The following LENG8 variants were observed in gnomAD, a reference collection of about 807,000 sequenced individuals.
The protein encoded by LENG8 is leukocyte receptor cluster member 8.
In LENG8, 28 loss-of-function variants were observed where a neutral mutation model predicts 102.1. That is an observed-to-expected ratio of 0.27 (90% CI 0.20 to 0.38). LENG8 has a LOEUF of 0.38. Among genes scored for constraint, LENG8 ranks in the 10% least tolerant of loss-of-function variants. The probability of loss-of-function intolerance (pLI) is 1.00; values close to 1 mark genes in which losing one functional copy is unlikely to be tolerated. For synonymous variants in LENG8, 531 were observed against 456.7 expected (o/e 1.16, Z -2.07); for missense variants, 1,022 against 1,113.9 (o/e 0.92, Z 1.17).
chr19:54,457,321 CTTAACCCA>C (rs1225510655), intron 11 of LENG8, among the ~76,000 whole-genome samples: 1 of 152,194 alleles, frequency 6.6e-6, no homozygotes, highest in East Asian at 1.9e-4. Flanking sequence ...GGTGGCCACT[CTTAACCCA>C]TGTCTTGTGG....
chr19:54,460,033 G>C, intron 15 of LENG8: 1 of 1,282,158 alleles, frequency 7.8e-7, no homozygotes, highest in Non-Finnish European at 1.0e-6. Context: ...TGACCTCATT[G>C]TGTCAGCACC....
At chr19:54,452,358 G>C in intron 3 of LENG8, 91 bp downstream of exon 3, 1 of 1,167,862 alleles carries the variant, frequency 8.6e-7, no homozygotes, top group Non-Finnish European at 1.2e-6. Flanking sequence ...CAGACGGGGT[G>C]CTCTGAGGGG....
chr19:54,461,529 C>T lies in LENG8; in HGVS notation c.*601C>T, dbSNP rs1280157078. 2 of 471,358 alleles carry T rather than the reference C, an allele frequency of 4.2e-6. No individual in the cohort carries two copies. The highest frequency in any genetic ancestry group is 4.0e-5 in the African/African-American group (2 of 50,116). 29.2% of individuals were successfully genotyped at this position (471,358 alleles called of 1,614,324 possible). On this transcript the variant is annotated 3_prime_UTR_variant, in exon 16 of 16. Transcript: ENST00000326764. ...CACCAGATCCTCCGCCGCCACACCG[C>T]ACTGAGGACACGCCGGCCGGGCCGC...
At position 54,461,874 on chromosome 19, in the gene LENG8, GGCT is replaced by G. The variant is rs1251694483; in HGVS notation, c.*950_*952del. ...GAGTTTGCAAACAGCTGGACTGTCA[GGCT>G]GCTTTTTTTCCAGATGTTCCTCCTC... On this transcript the variant is annotated 3_prime_UTR_variant, in exon 16 of 16. Coordinates refer to ENST00000326764, the MANE Select transcript of LENG8 (RefSeq NM_052925.4). 1 of 683,170 alleles carries G rather than the reference GGCT, an allele frequency of 1.5e-6. No individual in the cohort carries two copies. The highest frequency in any genetic ancestry group is 2.7e-6 in the Non-Finnish European group (1 of 366,152). The allele number at this position is 683,170 out of a possible 1,614,324, so 42.3% of individuals were successfully genotyped here.
In LENG8 at chr19:54,458,015, C is replaced by G; in HGVS notation, c.1902+13C>G. 1 of 1,613,326 alleles carries G rather than the reference C, an allele frequency of 6.2e-7. No individual in the cohort carries two copies. Among genetic ancestry groups the G allele is most frequent in the Non-Finnish European group, 8.5e-7 (1 of 1,180,040 alleles). On this transcript the variant is annotated intron_variant, in intron 13 of 15. Transcript: ENST00000326764. ...CGCCTTGGAGAAGGTGAGCTGGCCTCTGCGGGCCTCCCCAGCCCCTTTCCT... is the reference window on the plus strand; with the variant it reads ...CGCCTTGGAGAAGGTGAGCTGGCCTGTGCGGGCCTCCCCAGCCCCTTTCCT...
At chr19:54,456,530 G>C in intron 10 of LENG8, 65 bp downstream of exon 10, 1 of 1,541,578 alleles carries the variant, frequency 6.5e-7, no homozygotes, top group Non-Finnish European at 8.7e-7. Flanking sequence ...ACCCATGGGA[G>C]AAGGAGGAGG....
At position 54,462,004 on chromosome 19, in the gene LENG8, G is replaced by A; in HGVS notation, c.*1076G>A. 2 of 1,432,610 alleles carry A rather than the reference G, an allele frequency of 1.4e-6. No individual in the cohort carries two copies. The highest frequency in any genetic ancestry group is 1.9e-6 in the Non-Finnish European group (2 of 1,046,622). The allele number at this position is 1,432,610 out of a possible 1,614,324, so 88.7% of individuals were successfully genotyped here. A position where few individuals can be genotyped will look rare whatever the true frequency, so the allele number is the denominator to read the frequency against. The stretch of plus-strand genomic sequence containing the variant: ...GCTTGAGAGAAACCAAAATTAAAGA[G>A]AGAAAGAGAGAGCGTGCACGCTCCT... On this transcript the variant is annotated 3_prime_UTR_variant, in exon 16 of 16. Transcript: ENST00000326764.
chr19:54,449,553 G>C (rs2083843640), intron 1 of LENG8: 1 of 151,972 alleles, frequency 6.6e-6, no homozygotes. Context: ...GGAGTTCTCG[G>C]GGCCCCGGGG....
rs79561966 is a variant in LENG8 at position 54,457,990 on chromosome 19, C to G, written c.1890C>G (p.Ile630Met). The G allele has an allele frequency of 6.8e-6, 11 of 1,613,538 alleles. No individual in the cohort carries two copies. Among genetic ancestry groups the G allele is most frequent in the Non-Finnish European group, 9.3e-6 (11 of 1,180,034 alleles). ...TVEVYETHAR[I>M]ALEKGDHEEF... is the part of the protein sequence containing the mutation. ...AGGTGTACGAGACCCATGCCCGGAT[C>G]GCCTTGGAGAAGGTGAGCTGGCCTC... The change falls in exon 13 of 16, where the codon ATC (isoleucine) becomes ATG (methionine). Residue 630 changes from isoleucine (I) to methionine (M), a missense_variant. Transcript: ENST00000326764.
At chr19:54,458,972 A>C in intron 15 of LENG8, 1 of 1,468,122 alleles carries the variant, frequency 6.8e-7, no homozygotes, top group Non-Finnish European at 9.0e-7. Flanking sequence ...CTTTGAGAGC[A>C]CCAGAAACGC....
intron 11 of LENG8, among the ~76,000 whole-genome samples, chr19:54,457,521 AG>A (rs1375030840): frequency 6.6e-6 from 1 of 151,534 alleles, no homozygotes; most frequent in Non-Finnish European, 1.5e-5. Flanking sequence ...TTGTATTTTT[AG>A]TAGAGACGGG....
rs1241992765 is a variant in LENG8, at chr19:54,461,633, C to T, written c.*705C>T. The stretch of plus-strand genomic sequence containing the variant: ...AGTGTTTCTTCTGATTTTTTTTTCC[C>T]CTTTCCCTCCCTCCCTCTCCGCATT... On this transcript the variant is annotated 3_prime_UTR_variant, in exon 16 of 16. Transcript: ENST00000326764. The T allele has an allele frequency of 2.1e-6, 1 of 473,592 alleles. No homozygotes were observed. Among genetic ancestry groups the T allele is most frequent in the Non-Finnish European group, 4.4e-6 (1 of 229,024 alleles). 29.3% of individuals were successfully genotyped at this position (473,592 alleles called of 1,614,324 possible).
chr19:54,451,751 T>C (rs184249642), intron 2 of LENG8, among the ~76,000 whole-genome samples: 187 of 152,288 alleles, frequency 1.2e-3, no homozygotes, highest in African/African-American at 4.4e-3. Context: ...ACTGGGGTGA[T>C]GTCAGACAGA....
At position 54,449,221 on chromosome 19, in the gene LENG8, AG is replaced by A. The variant is rs1246983579; in HGVS notation, c.-144del. 2 of 152,428 alleles carry A rather than the reference AG, an allele frequency of 1.3e-5. No homozygotes were observed. Among genetic ancestry groups the A allele is most frequent in the Non-Finnish European group, 2.9e-5 (2 of 68,210 alleles). 9.4% of individuals were successfully genotyped at this position (152,428 alleles called of 1,614,324 possible). A position where few individuals can be genotyped will look rare whatever the true frequency, so the allele number is the denominator to read the frequency against. On this transcript the variant is annotated 5_prime_UTR_variant, in exon 1 of 16. Coordinates refer to ENST00000326764, the MANE Select transcript of LENG8 (RefSeq NM_052925.4). ...GGACGTCGAAGCCAAAGAAGACCAG[AG>A]CCAGCCGGGTGGCACAGCGGTGTCG...
rs1226670312 is a variant in LENG8, at chr19:54,457,735, T to C, written c.1732-12T>C. The C allele has an allele frequency of 2.5e-6, 4 of 1,598,422 alleles. No homozygotes were observed. The highest frequency in any genetic ancestry group is 3.4e-6 in the Non-Finnish European group (4 of 1,165,720). ...GTTGTACTCCGAGTGTGAATTCAGTTCCCTTTTTCAGGTTTTGAAAAAGTC... is the reference window on the plus strand; with the variant it reads ...GTTGTACTCCGAGTGTGAATTCAGTCCCCTTTTTCAGGTTTTGAAAAAGTC... On this transcript the variant is annotated splice_polypyrimidine_tract_variant and intron_variant, in intron 11 of 15. Transcript: ENST00000326764.
In LENG8 at chr19:54,461,654, G is replaced by A. The variant is rs761564493; in HGVS notation, c.*726G>A. On this transcript the variant is annotated 3_prime_UTR_variant, in exon 16 of 16. Transcript: ENST00000326764. ...TTCCCCTTTCCCTCCCTCCCTCTCC[G>A]CATTCTTCCCTTGGTTCAGCACAGG... 25 of 460,008 alleles carry A rather than the reference G, an allele frequency of 5.4e-5. No homozygotes were observed. The highest frequency in any genetic ancestry group is 2.2e-4 in the South Asian group (14 of 63,880). The allele number at this position is 460,008 out of a possible 1,614,324, so 28.5% of individuals were successfully genotyped here.
rs1405582542 is a variant in LENG8 at position 54,460,973 on chromosome 19, G to C, written c.*45G>C. On this transcript the variant is annotated 3_prime_UTR_variant, in exon 16 of 16. Coordinates refer to ENST00000326764, the MANE Select transcript of LENG8 (RefSeq NM_052925.4). Reference sequence around the variant, plus strand: ...GGGGGCAGGGGCTGCAGCCCCCAGCGCTGCCTTTGCGGATTCTGTTTTTGA... The same window carrying C: ...GGGGGCAGGGGCTGCAGCCCCCAGCCCTGCCTTTGCGGATTCTGTTTTTGA... The C allele has an allele frequency of 2.6e-6, 4 of 1,536,230 alleles. No individual in the cohort carries two copies. The highest frequency in any genetic ancestry group is 3.5e-6 in the Non-Finnish European group (4 of 1,146,444).
At chr19:54,459,077 T>C in intron 15 of LENG8, 1 of 1,389,012 alleles carries the variant, frequency 7.2e-7, no homozygotes, top group Non-Finnish European at 9.3e-7. Flanking sequence ...CACTAGACAT[T>C]GCGCCTGGCT....
chr19:54,455,890 A>G, intron 8 of LENG8, 77 bp from the exon 9 acceptor site: 4 of 1,484,342 alleles, frequency 2.7e-6, no homozygotes, highest in Non-Finnish European at 3.6e-6. Context: ...GCGGGTCGGT[A>G]CCTTGAGGGA....
Sources: allele counts gnomAD v4.1 joint callset (sites outside exome capture counted in the v4.1 genomes callset), GRCh38; gene constraint gnomAD v4.1.1; transcripts MANE v1.5; gene names NCBI Gene and HGNC (gene_info 2026-07-23, HGNC 2026-07-21).